CSMD3: variants seen among roughly 807,000 people sequenced by gnomAD.
CSMD3 encodes the protein CUB and Sushi multiple domains 3.
In CSMD3, 177 loss-of-function variants were observed where a neutral mutation model predicts 435.2. The observed-to-expected ratio is 0.41, with a 90% CI of 0.36 to 0.46. The LOEUF is 0.46. Among genes scored for constraint, CSMD3 ranks in the 20% least tolerant of loss-of-function variants. The probability of loss-of-function intolerance (pLI) is 0.34; values close to 1 mark genes in which losing one functional copy is unlikely to be tolerated. For synonymous variants in CSMD3, 1,656 were observed against 1,520.5 expected (o/e 1.09, Z -2.07); for missense variants, 4,265 against 4,504.6 (o/e 0.95, Z 1.52).
intron 32 of CSMD3, among the ~76,000 whole-genome samples, chr8:112,454,517 T>C (rs116594255): frequency 4.4e-4 from 67 of 152,240 alleles, no homozygotes; most frequent in African/African-American, 1.5e-3. Flanking sequence ...ATCAGGGAAA[T>C]GCAAATCCAA....
At chr8:112,305,257 T>C (rs971484439) in intron 51 of CSMD3, among the ~76,000 whole-genome samples, 1 of 152,132 alleles carries the variant, frequency 6.6e-6, no homozygotes, top group African/African-American at 2.4e-5. Context: ...AATGGCCTTT[T>C]TGTGCAGGAG....
At chr8:112,546,253 C>T (rs767138280) in intron 27 of CSMD3, among the ~76,000 whole-genome samples, 9 of 152,066 alleles carry the variant, frequency 5.9e-5, no homozygotes, top group Non-Finnish European at 1.0e-4. Context: ...TTTGTGTGGC[C>T]ATTAAATAAT....
intron 17 of CSMD3, among the ~76,000 whole-genome samples, chr8:112,661,175 G>A (rs1269205328): frequency 6.6e-6 from 1 of 152,026 alleles, no homozygotes; most frequent in Non-Finnish European, 1.5e-5. Flanking sequence ...AGAGTAAAAC[G>A]TGCTAAGTAA....
At chr8:113,344,317 T>C (rs1213740266) in intron 1 of CSMD3, among the ~76,000 whole-genome samples, 1 of 152,138 alleles carries the variant, frequency 6.6e-6, no homozygotes, top group Non-Finnish European at 1.5e-5. Flanking sequence ...TGCTGGTTGA[T>C]TCACATCTGT....
chr8:113,008,650 A>G (rs1278031392), intron 6 of CSMD3, among the ~76,000 whole-genome samples: 1 of 151,748 alleles, frequency 6.6e-6, no homozygotes, highest in Non-Finnish European at 1.5e-5. Flanking sequence ...CTGTTGCATC[A>G]TATAAGATGT....
intron 25 of CSMD3, among the ~76,000 whole-genome samples, chr8:112,555,431 T>C (rs6983805): frequency 0.28 from 43,023 of 151,792 alleles, 6,526 homozygotes; most frequent in African/African-American, 0.39. Context: ...TATTTCATAA[T>C]CACATCAGAG....
chr8:112,619,960 A>T (rs71508422), intron 22 of CSMD3, among the ~76,000 whole-genome samples: 83,401 of 151,534 alleles, frequency 0.55, 23,195 homozygotes, highest in African/African-American at 0.6. Flanking sequence ...CAACAAAAAA[A>T]GTTCAATCAG....
intron 14 of CSMD3, among the ~76,000 whole-genome samples, chr8:112,687,619 C>T (rs538339103): frequency 6.6e-6 from 1 of 152,134 alleles, no homozygotes; most frequent in African/African-American, 2.4e-5. Flanking sequence ...TAACTTTTAT[C>T]ATTTTATCAT....
intron 11 of CSMD3, among the ~76,000 whole-genome samples, chr8:112,851,829 T>G (rs1011903592): frequency 1.3e-5 from 2 of 151,886 alleles, no homozygotes; most frequent in African/African-American, 4.8e-5. Context: ...AGCTACTCAA[T>G]ACATACTTAT....
intron 45 of CSMD3, among the ~76,000 whole-genome samples, chr8:112,322,395 T>A (rs1586765245): frequency 2.0e-5 from 3 of 152,202 alleles, no homozygotes; most frequent in Admixed American, 6.6e-5. Context: ...GCTAATGTCT[T>A]ATTCTCTGTT....
intron 1 of CSMD3, among the ~76,000 whole-genome samples, chr8:113,417,363 T>C (rs1205233437): frequency 6.6e-6 from 1 of 151,986 alleles, no homozygotes; most frequent in Non-Finnish European, 1.5e-5. Context: ...ACTCTCACAA[T>C]TTAAATATAA....
intron 3 of CSMD3, among the ~76,000 whole-genome samples, chr8:113,200,500 T>C (rs1038643234): frequency 6.6e-6 from 1 of 151,806 alleles, no homozygotes; most frequent in African/African-American, 2.4e-5. Context: ...TGTCCTAAAA[T>C]GTCTAGGTGT....
At chr8:112,717,954 C>G (rs952934932) in intron 13 of CSMD3, among the ~76,000 whole-genome samples, 7 of 152,014 alleles carry the variant, frequency 4.6e-5, no homozygotes, top group African/African-American at 1.7e-4. Context: ...GGACAAATAC[C>G]TTATGCATGT....
At chr8:112,781,917 T>C (rs1371758515) in intron 13 of CSMD3, among the ~76,000 whole-genome samples, 1 of 152,144 alleles carries the variant, frequency 6.6e-6, no homozygotes, top group Non-Finnish European at 1.5e-5. Flanking sequence ...CACAAAATAC[T>C]TAATCACAAT....
At chr8:112,664,736 G>A (rs778463300) in intron 17 of CSMD3, among the ~76,000 whole-genome samples, 1 of 151,974 alleles carries the variant, frequency 6.6e-6, no homozygotes, top group Non-Finnish European at 1.5e-5. Context: ...TGGTGTCCAG[G>A]ACATAAACAC....
chr8:112,732,699 C>CAAAAAAAAAAA (rs34891739), intron 13 of CSMD3, among the ~76,000 whole-genome samples: 1 of 97,188 alleles, frequency 1.0e-5, no homozygotes, highest in African/African-American at 3.4e-5. Context: ...GACTCCATCT[C>CAAAAAAAAAAA]AAAAAAAAAA....
At chr8:112,990,643 A>AT (rs1289477953) in intron 6 of CSMD3, among the ~76,000 whole-genome samples, 1 of 151,924 alleles carries the variant, frequency 6.6e-6, no homozygotes, top group East Asian at 1.9e-4. Context: ...GACAAGACAG[A>AT]TTTTGTTAGT....
At chr8:112,434,541 A>C (rs2130434181) in intron 32 of CSMD3, among the ~76,000 whole-genome samples, 1 of 152,196 alleles carries the variant, frequency 6.6e-6, no homozygotes, top group Non-Finnish European at 1.5e-5. Flanking sequence ...AAAATGCTGT[A>C]TTGTTATTAA....
intron 4 of CSMD3, among the ~76,000 whole-genome samples, chr8:113,101,509 C>T (rs1299629814): frequency 6.6e-6 from 1 of 151,952 alleles, no homozygotes; most frequent in East Asian, 1.9e-4. Context: ...GCATAGAAAT[C>T]AATTTCTCTA....
Sources: allele counts gnomAD v4.1 joint callset (sites outside exome capture counted in the v4.1 genomes callset), GRCh38; gene constraint gnomAD v4.1.1; transcripts MANE v1.5; gene names NCBI Gene and HGNC (gene_info 2026-07-23, HGNC 2026-07-21).